BAZ1B: variants seen among roughly 807,000 people sequenced by gnomAD.
The protein encoded by BAZ1B is tyrosine-protein kinase BAZ1B.
BAZ1B carries 22 observed loss-of-function variants against 153.8 expected under a neutral mutation model. The ratio of observed to expected loss-of-function variants is 0.14; its 90% CI spans 0.10 to 0.20. The LOEUF (loss-of-function observed/expected upper bound fraction) is 0.20, where lower values mean the gene tolerates loss of function less well. Ranked by LOEUF, BAZ1B falls within the 10% of genes least tolerant of loss-of-function variation. The pLI is 1.00. For missense variants in BAZ1B, 1,325 were observed against 1,799.3 expected, an observed-to-expected ratio of 0.74 and a Z score of 4.77; for synonymous variants, 676 against 633.4, an observed-to-expected ratio of 1.07 and a Z score of -1.01.
At chr7:73,520,619 A>G (rs1183855232) in intron 1 of BAZ1B, among the ~76,000 whole-genome samples, 1 of 152,192 alleles carries the variant, frequency 6.6e-6, no homozygotes, top group Non-Finnish European at 1.5e-5. Flanking sequence ...GCCTTCCTCC[A>G]GCATGGACTG....
intron 12 of BAZ1B, among the ~76,000 whole-genome samples, chr7:73,460,831 G>A (rs1161198113): frequency 6.6e-6 from 1 of 152,176 alleles, no homozygotes; most frequent in African/African-American, 2.4e-5. Context: ...CAGGTGTGGT[G>A]GCACATGCCA....
chr7:73,457,604 CCTT>C (rs1788252999), intron 13 of BAZ1B, among the ~76,000 whole-genome samples: 1 of 152,186 alleles, frequency 6.6e-6, no homozygotes. Flanking sequence ...TATATTTGGT[CCTT>C]CTCCGCAGAC....
At position 73,451,920 on chromosome 7, in the gene BAZ1B, G is replaced by A. The variant is rs1583887942; in HGVS notation, c.3433-926C>T. ...ATATCAATGTAAGAATTTCAGGTTC[G>A]GTTCTTTAAAAGTGCTTGAGAACTG... On this transcript the variant is annotated intron_variant, in intron 13 of 19. Coordinates refer to ENST00000339594, the MANE Select transcript of BAZ1B (RefSeq NM_032408.4). Among the ~76,000 whole-genome samples, 5 of 152,256 alleles carry A rather than the reference G, an allele frequency of 3.3e-5. 1 individual carries two copies. In the South Asian group the frequency reaches 1.0e-3, roughly 32 times the overall value.
In BAZ1B at chr7:73,447,310, T is replaced by C. The variant is rs981307965; in HGVS notation, c.3798A>G (p.Glu1266=). The change falls in exon 16 of 20, where the codon GAA becomes GAG. Residue 1266 remains glutamate (E), a synonymous_variant. Transcript: ENST00000339594. ...DDESDEEEEE[E]EEEEEEEDYE... ...AATCTTCTTCCTCCTCCTCCTCTTC[T>C]TCCTCCTCCTCCTCTTCATCACTCT... is the stretch of plus-strand genomic sequence containing the variant. The C allele has an allele frequency of 2.8e-5, 45 of 1,609,330 alleles. No homozygotes were observed. Among genetic ancestry groups the C allele is most frequent in the South Asian group, 1.3e-4 (12 of 90,878 alleles).
At chr7:73,459,403 A>AC in intron 13 of BAZ1B, 133 bp downstream of exon 13, 3 of 823,764 alleles carry the variant, frequency 3.6e-6, no homozygotes, top group Non-Finnish European at 5.5e-6. Context: ...AAAAAAAAAA[A>AC]CACACACACA....
intron 2 of BAZ1B, among the ~76,000 whole-genome samples, chr7:73,510,484 A>G (rs1554578426): frequency 6.6e-6 from 1 of 152,208 alleles, no homozygotes; most frequent in Non-Finnish European, 1.5e-5. Context: ...ACAAGGTCAA[A>G]GTATGGAGCA....
chr7:73,468,089 A>G (rs1225109947), intron 9 of BAZ1B, among the ~76,000 whole-genome samples: 1 of 152,242 alleles, frequency 6.6e-6, no homozygotes, highest in Non-Finnish European at 1.5e-5. Flanking sequence ...TACTTTTTAA[A>G]AAATAAAGAT....
chr7:73,483,558 T>G (rs1554574029), intron 6 of BAZ1B, among the ~76,000 whole-genome samples: 1 of 152,208 alleles, frequency 6.6e-6, no homozygotes, highest in East Asian at 1.9e-4. Flanking sequence ...CTTTTCATTT[T>G]TTTTCTTCTA....
chr7:73,496,145 C>T (rs542651776), intron 4 of BAZ1B, among the ~76,000 whole-genome samples: 12 of 152,140 alleles, frequency 7.9e-5, no homozygotes, highest in African/African-American at 2.9e-4. Flanking sequence ...GAAGTAAGAC[C>T]ACAATAAAAC....
intron 4 of BAZ1B, among the ~76,000 whole-genome samples, chr7:73,495,577 A>G (rs62465153): frequency 0.049 from 7,431 of 152,318 alleles, 209 homozygotes; most frequent in Non-Finnish European, 0.066. Flanking sequence ...AGTGACCAAC[A>G]GTATTAAATG....
At chr7:73,464,180 T>C in intron 11 of BAZ1B, 1 of 984,722 alleles carries the variant, frequency 1.0e-6, no homozygotes, top group Non-Finnish European at 1.2e-6. Context: ...ATATTTTCCT[T>C]CTCTCTTCCA....
chr7:73,500,505 G>A (rs902949908), intron 3 of BAZ1B, among the ~76,000 whole-genome samples: 41 of 152,092 alleles, frequency 2.7e-4, no homozygotes, highest in African/African-American at 9.4e-4. Context: ...ATTGTGCACC[G>A]CACTCAAGCT....
chr7:73,517,053 G>T lies in BAZ1B; in HGVS notation c.107+4774C>A, dbSNP rs185058986. Among the ~76,000 whole-genome samples, 40 of 151,018 alleles carry T rather than the reference G, an allele frequency of 2.6e-4. No homozygotes were observed. The East Asian group carries it at 5.7e-3, about 21-fold the overall frequency. On this transcript the variant is annotated intron_variant, in intron 1 of 19. Transcript: ENST00000339594. ...AAAAAATTAGCCAGGCGTGGTGGTG[G>T]GTGCCTGTAATCCCAGTTGCTTGGG...
chr7:73,465,763 T>G (rs1554571081), intron 10 of BAZ1B, among the ~76,000 whole-genome samples: 1 of 152,142 alleles, frequency 6.6e-6, no homozygotes, highest in Non-Finnish European at 1.5e-5. Flanking sequence ...ATTAAAATAT[T>G]ATATGAAATT....
intron 9 of BAZ1B, among the ~76,000 whole-genome samples, chr7:73,467,371 A>T (rs984679956): frequency 7.3e-5 from 11 of 151,048 alleles, no homozygotes; most frequent in African/African-American, 1.5e-4. Context: ...TAATTTATTT[A>T]TTTTTTTTAA....
At chr7:73,469,735 T>A in intron 8 of BAZ1B, 85 bp from the exon 9 acceptor site, 1 of 1,496,596 alleles carries the variant, frequency 6.7e-7, no homozygotes, top group Non-Finnish European at 9.2e-7. Context: ...TAATACAGAG[T>A]ATCACTGAGC....
intron 13 of BAZ1B, 41 bp downstream of exon 13, chr7:73,459,495 A>G: frequency 3.1e-6 from 5 of 1,589,684 alleles, no homozygotes; most frequent in Non-Finnish European, 4.3e-6. Flanking sequence ...AAATCAACTC[A>G]TCTACGGAAT....
At chr7:73,457,157 C>T (rs1280784613) in intron 13 of BAZ1B, among the ~76,000 whole-genome samples, 3 of 151,750 alleles carry the variant, frequency 2.0e-5, no homozygotes, top group African/African-American at 7.3e-5. Flanking sequence ...AGCAGGGACT[C>T]AAATATTTGG....
intron 2 of BAZ1B, among the ~76,000 whole-genome samples, chr7:73,510,071 G>T (rs1270018685): frequency 4.0e-5 from 6 of 151,892 alleles, no homozygotes; most frequent in Admixed American, 3.9e-4. Context: ...AGGTTACAGT[G>T]GGCCGAAATC....
Sources: allele counts gnomAD v4.1 joint callset (sites outside exome capture counted in the v4.1 genomes callset), GRCh38; gene constraint gnomAD v4.1.1; transcripts MANE v1.5; gene names NCBI Gene and HGNC (gene_info 2026-07-23, HGNC 2026-07-21).